The following ARHGAP6 variants were observed in gnomAD, a reference collection of about 807,000 sequenced individuals.
ARHGAP6 encodes rho GTPase-activating protein 6.
ARHGAP6 carries 16 observed loss-of-function variants against 55.7 expected under a neutral mutation model. The observed-to-expected ratio is 0.29, with a 90% CI of 0.19 to 0.44. The LOEUF (loss-of-function observed/expected upper bound fraction) is 0.44, where lower values mean the gene tolerates loss of function less well. Ranked by LOEUF, ARHGAP6 falls within the 20% of genes least tolerant of loss-of-function variation. ARHGAP6 has a pLI of 1.00. For missense variants in ARHGAP6, 698 were observed against 808.9 expected, an observed-to-expected ratio of 0.86 and a Z score of 1.66; for synonymous variants, 382 against 360.9, an observed-to-expected ratio of 1.06 and a Z score of -0.66.
intron 1 of ARHGAP6, among the ~76,000 whole-genome samples, chrX:11,493,861 T>C (rs764573347): frequency 3.5e-3 from 307 of 88,418 alleles, no homozygotes; most frequent in Non-Finnish European, 5.5e-3. Context: ...TTGAGATGGG[T>C]CTTGCTCTGT....
chrX:11,344,625 C>T (rs1208843877), intron 1 of ARHGAP6, among the ~76,000 whole-genome samples: 2 of 95,279 alleles, frequency 2.1e-5, no homozygotes, highest in Non-Finnish European at 4.1e-5. Flanking sequence ...TTGCAGTGAG[C>T]CGAGACTGTA....
chrX:11,174,372 G>A (rs904921353), intron 8 of ARHGAP6, among the ~76,000 whole-genome samples: 1 of 111,571 alleles, frequency 9.0e-6, no homozygotes, highest in Non-Finnish European at 1.9e-5. Flanking sequence ...TTTGCCTTGT[G>A]TCCTCACCTC....
chrX:11,367,918 A>G, intron 1 of ARHGAP6: 2 of 320,082 alleles, frequency 6.2e-6, no homozygotes, highest in Non-Finnish European at 8.3e-6. Context: ...TCCTGCACTG[A>G]CCTGGAACTA....
At chrX:11,296,562 C>G (rs982545266) in intron 1 of ARHGAP6, among the ~76,000 whole-genome samples, 2 of 112,079 alleles carry the variant, frequency 1.8e-5, no homozygotes, top group African/African-American at 3.2e-5. Context: ...TTCTGAACCT[C>G]TTTAAAATAA....
chrX:11,390,847 C>T (rs769856050), intron 1 of ARHGAP6, among the ~76,000 whole-genome samples: 1 of 111,955 alleles, frequency 8.9e-6, no homozygotes, highest in Admixed American at 9.4e-5. Flanking sequence ...GAAATAGGAA[C>T]ACTTTTACAC....
At chrX:11,277,992 G>A (rs1040333448) in intron 1 of ARHGAP6, among the ~76,000 whole-genome samples, 1 of 111,462 alleles carries the variant, frequency 9.0e-6, no homozygotes, top group Non-Finnish European at 1.9e-5. Flanking sequence ...AAAGCCAGAA[G>A]AATTTAATAC....
At chrX:11,395,067 T>G (rs888607762) in intron 1 of ARHGAP6, among the ~76,000 whole-genome samples, 1 of 112,238 alleles carries the variant, frequency 8.9e-6, no homozygotes, top group African/African-American at 3.2e-5. Flanking sequence ...AATTCTGGAC[T>G]AAGGCCATGC....
intron 1 of ARHGAP6, among the ~76,000 whole-genome samples, chrX:11,591,173 C>A (rs1481481880): frequency 9.3e-6 from 1 of 108,019 alleles, no homozygotes; most frequent in Non-Finnish European, 1.9e-5. Context: ...GCCTGGGTGA[C>A]AGAGCAAGAC....
At chrX:11,559,691 G>A (rs1253839781) in intron 1 of ARHGAP6, among the ~76,000 whole-genome samples, 3 of 110,701 alleles carry the variant, frequency 2.7e-5, no homozygotes, top group Non-Finnish European at 5.7e-5. Context: ...ACTTTGGGAG[G>A]CCGAGGAGGG....
intron 10 of ARHGAP6, among the ~76,000 whole-genome samples, chrX:11,152,534 T>C (rs1320202203): frequency 1.8e-5 from 2 of 111,880 alleles, no homozygotes; most frequent in Non-Finnish European, 3.8e-5. Context: ...TTTACTGTTA[T>C]GTCCAGGTCC....
chrX:11,548,289 T>C (rs1275627211), intron 1 of ARHGAP6, among the ~76,000 whole-genome samples: 2 of 112,022 alleles, frequency 1.8e-5, no homozygotes, highest in Non-Finnish European at 3.8e-5. Flanking sequence ...TCCTAGTTTT[T>C]TGACATATAC....
At chrX:11,387,800 G>A (rs757439553) in intron 1 of ARHGAP6, among the ~76,000 whole-genome samples, 38 of 110,946 alleles carry the variant, frequency 3.4e-4, no homozygotes, top group Admixed American at 3.2e-3. Context: ...GAGAACATGC[G>A]GTGTTTGGTT....
At chrX:11,193,756 C>A (rs2147355920) in intron 3 of ARHGAP6, among the ~76,000 whole-genome samples, 1 of 112,437 alleles carries the variant, frequency 8.9e-6, no homozygotes, top group Non-Finnish European at 1.9e-5. Context: ...TTTAAAAAAT[C>A]TATAATGGCC....
intron 1 of ARHGAP6, among the ~76,000 whole-genome samples, chrX:11,404,955 A>T (rs1194760274): frequency 8.9e-6 from 1 of 112,208 alleles, no homozygotes; most frequent in East Asian, 2.8e-4. Context: ...CAGATTAAAT[A>T]AAGAGCTGAT....
chrX:11,576,901 C>T (rs1441824935), intron 1 of ARHGAP6, among the ~76,000 whole-genome samples: 2 of 111,371 alleles, frequency 1.8e-5, no homozygotes, highest in African/African-American at 6.5e-5. Context: ...TTGTCATTGT[C>T]CAGCTTCTAG....
chrX:11,193,043 T>A, intron 3 of ARHGAP6, among the ~76,000 whole-genome samples: 1 of 112,567 alleles, frequency 8.9e-6, no homozygotes, highest in Non-Finnish European at 1.9e-5. Context: ...AATCTTGAAT[T>A]AGTTCCCATA....
intron 1 of ARHGAP6, among the ~76,000 whole-genome samples, chrX:11,354,752 T>C (rs1420641300): frequency 9.0e-6 from 1 of 111,460 alleles, no homozygotes; most frequent in Non-Finnish European, 1.9e-5. Flanking sequence ...TGAAGAACTA[T>C]GCATATCAGG....
chrX:11,503,851 CACACACACACAAAGAGACACACAT>C (rs1459635223), intron 1 of ARHGAP6, among the ~76,000 whole-genome samples: 5 of 106,748 alleles, frequency 4.7e-5, no homozygotes, highest in East Asian at 6.2e-4. Context: ...TGCACACACA[CACACACACACAAAGAGACACACAT>C]ACACACACAC....
At chrX:11,298,148 A>G in intron 1 of ARHGAP6, 1 of 1,209,700 alleles carries the variant, frequency 8.3e-7, no homozygotes, top group Non-Finnish European at 1.1e-6. Context: ...TGCATTAGTG[A>G]GTCTATATTT....
Sources: allele counts gnomAD v4.1 joint callset (sites outside exome capture counted in the v4.1 genomes callset), GRCh38; gene constraint gnomAD v4.1.1; transcripts MANE v1.5; gene names NCBI Gene and HGNC (gene_info 2026-07-23, HGNC 2026-07-21).